Variants in EVI5 observed in about 807,000 individuals in gnomAD.
EVI5 encodes ecotropic viral integration site 5.
A neutral mutation model predicts 112.0 loss-of-function variants in EVI5; 73 were observed. That is an observed-to-expected ratio of 0.65 (90% CI 0.54 to 0.79). The LOEUF (loss-of-function observed/expected upper bound fraction) is 0.79, where lower values mean the gene tolerates loss of function less well. Ranked by LOEUF, EVI5 falls within the 30% of genes least tolerant of loss-of-function variation. EVI5 has a pLI of 0.00. For missense variants in EVI5, 900 were observed against 968.8 expected (o/e 0.93, Z 0.94); for synonymous variants, 305 against 319.9 (o/e 0.95, Z 0.50).
intron 2 of EVI5, among the ~76,000 whole-genome samples, chr1:92,715,342 A>T (rs1248570995): frequency 1.3e-5 from 2 of 152,092 alleles, no homozygotes; most frequent in East Asian, 3.9e-4. Context: ...CACACACGCG[A>T]CTCAAAATTT....
chr1:92,655,051 T>C (rs986867380), intron 13 of EVI5, among the ~76,000 whole-genome samples: 1 of 152,158 alleles, frequency 6.6e-6, no homozygotes, highest in Non-Finnish European at 1.5e-5. Flanking sequence ...TTGGAAAACC[T>C]ATCTGAGGAA....
At chr1:92,535,610 G>A (rs930225765) in intron 19 of EVI5, among the ~76,000 whole-genome samples, 3 of 152,162 alleles carry the variant, frequency 2.0e-5, no homozygotes, top group African/African-American at 7.2e-5. Flanking sequence ...CCTTTGCAGG[G>A]ATATGGATGG....
intron 2 of EVI5, among the ~76,000 whole-genome samples, chr1:92,719,936 T>C (rs921638719): frequency 2.0e-5 from 3 of 151,818 alleles, no homozygotes; most frequent in African/African-American, 7.3e-5. Context: ...TTGCTACAAA[T>C]AGAATAAAAC....
At chr1:92,567,130 T>A (rs1440066629) in intron 18 of EVI5, among the ~76,000 whole-genome samples, 1 of 151,658 alleles carries the variant, frequency 6.6e-6, no homozygotes, top group Non-Finnish European at 1.5e-5. Context: ...AAGTTTTTAA[T>A]AAAAAAGTTT....
rs1261952436 is a variant in EVI5, at chr1:92,708,262, A to T, written c.150-3518T>A. ...TGCGAATCATAAGGGACTTGTATCT[A>T]GAATATAGAAAGAACCCTTACAAAT... On this transcript the variant is annotated intron_variant, in intron 2 of 19. Transcript: ENST00000684568. 4.6e-5 allele frequency among the ~76,000 whole-genome samples: 7 copies of T among 152,266 alleles called. No homozygotes were observed. The East Asian group carries it at 1.3e-3, about 29-fold the overall frequency.
At chr1:92,654,114 G>T (rs1662621754) in intron 13 of EVI5, among the ~76,000 whole-genome samples, 1 of 152,064 alleles carries the variant, frequency 6.6e-6, no homozygotes, top group South Asian at 2.1e-4. Context: ...CTGCTAGGGG[G>T]TGAGCAGAGA....
chr1:92,540,371 C>G (rs1173158866), intron 19 of EVI5, among the ~76,000 whole-genome samples: 3 of 152,124 alleles, frequency 2.0e-5, no homozygotes, highest in Non-Finnish European at 2.9e-5. Context: ...TTATTATAGC[C>G]ATCCTAGTAA....
At chr1:92,694,274 A>G (rs200282098) in intron 8 of EVI5, 25 bp downstream of exon 8, 1 of 1,442,028 alleles carries the variant, frequency 6.9e-7, no homozygotes, top group Admixed American at 2.0e-5. Context: ...CAAAAAAAAA[A>G]AAAGAAAATA....
At chr1:92,756,964 T>C in intron 1 of EVI5, 1 of 294,320 alleles carries the variant, frequency 3.4e-6, no homozygotes, top group South Asian at 3.4e-5. Context: ...GGTGATTATG[T>C]GTAAGGGTAA....
chr1:92,645,270 C>A (rs1413708640), intron 13 of EVI5, among the ~76,000 whole-genome samples: 1 of 152,100 alleles, frequency 6.6e-6, no homozygotes, highest in Non-Finnish European at 1.5e-5. Context: ...TGGTGCTATT[C>A]CTTGTTCTAA....
chr1:92,632,771 G>A (rs1557948418), intron 14 of EVI5, among the ~76,000 whole-genome samples: 1 of 152,068 alleles, frequency 6.6e-6, no homozygotes, highest in Non-Finnish European at 1.5e-5. Context: ...ATGTTAGGGT[G>A]TCAATTTTAG....
At chr1:92,753,133 C>CA (rs5776155) in intron 1 of EVI5, among the ~76,000 whole-genome samples, 83,574 of 140,146 alleles carry the variant, frequency 0.6, 25,050 homozygotes, top group East Asian at 0.91. Flanking sequence ...AAGAGTCAGG[C>CA]AAAAAAAAAA....
At chr1:92,623,759 T>TAAA (rs1277333948) in intron 16 of EVI5, among the ~76,000 whole-genome samples, 3 of 152,234 alleles carry the variant, frequency 2.0e-5, no homozygotes, top group African/African-American at 7.2e-5. Context: ...AGGAGAGCCG[T>TAAA]TACTGGCATC....
intron 18 of EVI5, among the ~76,000 whole-genome samples, chr1:92,592,221 T>C (rs1215776406): frequency 6.6e-6 from 1 of 152,062 alleles, no homozygotes; most frequent in Non-Finnish European, 1.5e-5. Flanking sequence ...CCGGCCTAGG[T>C]GACAGAGCGA....
chr1:92,655,485 T>C (rs1662846349), intron 13 of EVI5, among the ~76,000 whole-genome samples: 1 of 152,130 alleles, frequency 6.6e-6, no homozygotes, highest in Non-Finnish European at 1.5e-5. Flanking sequence ...AAGTGAGTTC[T>C]AAACATGTAA....
chr1:92,527,532 A>G (rs1414455307), intron 19 of EVI5, among the ~76,000 whole-genome samples: 2 of 152,314 alleles, frequency 1.3e-5, no homozygotes, highest in East Asian at 3.9e-4. Flanking sequence ...TATGTGTACA[A>G]GTTGGTAAAA....
At chr1:92,529,710 A>C (rs969325279) in intron 19 of EVI5, among the ~76,000 whole-genome samples, 1 of 152,194 alleles carries the variant, frequency 6.6e-6, no homozygotes, top group African/African-American at 2.4e-5. Flanking sequence ...TCCCTAATCC[A>C]ATAACAAAAT....
intron 1 of EVI5, among the ~76,000 whole-genome samples, chr1:92,758,170 T>C (rs1219453979): frequency 6.6e-6 from 1 of 152,216 alleles, no homozygotes; most frequent in African/African-American, 2.4e-5. Flanking sequence ...ATAGTGAGAA[T>C]GTAGCAAGTG....
At chr1:92,514,471 T>C (rs930842504) in intron 19 of EVI5, among the ~76,000 whole-genome samples, 4 of 152,124 alleles carry the variant, frequency 2.6e-5, no homozygotes, top group African/African-American at 9.7e-5. Flanking sequence ...CTTACTTTAA[T>C]TGAATAATAA....
Sources: allele counts gnomAD v4.1 joint callset (sites outside exome capture counted in the v4.1 genomes callset), GRCh38; gene constraint gnomAD v4.1.1; transcripts MANE v1.5; gene names NCBI Gene and HGNC (gene_info 2026-07-23, HGNC 2026-07-21).